Variants in THOC5 observed in about 807,000 individuals in gnomAD.
THOC5 encodes the protein Fms-interacting protein.
A neutral mutation model predicts 92.9 loss-of-function variants in THOC5; 43 were observed. That is an observed-to-expected ratio of 0.46 (90% confidence interval 0.36 to 0.60). The LOEUF is 0.60. Ranked by LOEUF, THOC5 falls within the 20% of genes least tolerant of loss-of-function variation. The pLI is 0.00. For synonymous variants in THOC5, 296 were observed against 320.1 expected (o/e 0.92, Z 0.80); for missense variants, 659 against 849.4 (o/e 0.78, Z 2.79).
chr22:29,550,380 T>C (rs1431110362), intron 1 of THOC5, among the ~76,000 whole-genome samples: 2 of 151,738 alleles, frequency 1.3e-5, no homozygotes, highest in African/African-American at 2.4e-5. Flanking sequence ...ACTCCCAGGT[T>C]GATCCTAGAA....
chr22:29,541,870 A>T (rs1569230742), intron 5 of THOC5, among the ~76,000 whole-genome samples: 16 of 63,274 alleles, frequency 2.5e-4, no homozygotes, highest in East Asian at 1.8e-3. Context: ...CCAAAAAAAA[A>T]AAAAAAAAAA....
At chr22:29,534,382 T>A (rs2063713114) in intron 7 of THOC5, among the ~76,000 whole-genome samples, 1 of 152,202 alleles carries the variant, frequency 6.6e-6, no homozygotes, top group African/African-American at 2.4e-5. Context: ...GCTTAGTGAA[T>A]ATTCATTGAG....
At chr22:29,528,209 A>G (rs369462134) in intron 10 of THOC5, 32 bp from the exon 11 acceptor site, 24 of 1,614,006 alleles carry the variant, frequency 1.5e-5, no homozygotes, top group Non-Finnish European at 2.0e-5. Flanking sequence ...GCTGATGAGC[A>G]TCAGTCATAG....
At chr22:29,527,521 A>G (rs1051164924) in intron 11 of THOC5, among the ~76,000 whole-genome samples, 7 of 152,250 alleles carry the variant, frequency 4.6e-5, no homozygotes, top group African/African-American at 1.7e-4. Flanking sequence ...ATAAATATAC[A>G]TTTGTATAAA....
In THOC5 at chr22:29,521,025, G is replaced by T. The variant is rs769647299; in HGVS notation, c.1250C>A (p.Ala417Asp). 6.2e-7 allele frequency: 1 copy of T among 1,614,080 alleles called. No individual in the cohort carries two copies. Among genetic ancestry groups the T allele is most frequent in the East Asian group, 2.2e-5 (1 of 44,886 alleles). ...GDHGKKTPNP[A>D]NQYQFDKVGI... Reference sequence around the variant, plus strand: ...AACTTTATCAAACTGATACTGATTGGCTGGATTCGGAGTTTTCTTTCCATG... The same window carrying T: ...AACTTTATCAAACTGATACTGATTGTCTGGATTCGGAGTTTTCTTTCCATG... The change falls in exon 13 of 20, where the codon GCC becomes GAC. Residue 417 changes from alanine (A) to aspartate (D), a missense_variant. Coordinates refer to ENST00000490103, the MANE Select transcript of THOC5 (RefSeq NM_003678.5).
intron 12 of THOC5, among the ~76,000 whole-genome samples, chr22:29,522,292 G>A (rs547249026): frequency 8.6e-5 from 13 of 151,906 alleles, no homozygotes; most frequent in East Asian, 5.8e-4. Flanking sequence ...CCCGGGAGAC[G>A]GAGCTGGCAA....
At chr22:29,538,175 G>T (rs1282411134) in intron 6 of THOC5, among the ~76,000 whole-genome samples, 1 of 151,984 alleles carries the variant, frequency 6.6e-6, no homozygotes, top group Non-Finnish European at 1.5e-5. Flanking sequence ...GTAGAGACGG[G>T]GTTTCACCAT....
At chr22:29,526,865 C>T (rs955219008) in intron 11 of THOC5, among the ~76,000 whole-genome samples, 3 of 152,126 alleles carry the variant, frequency 2.0e-5, no homozygotes, top group Non-Finnish European at 4.4e-5. Flanking sequence ...ACACTCACTG[C>T]CTAGAGCAGA....
intron 14 of THOC5, 91 bp from the exon 15 acceptor site, chr22:29,519,211 C>A: frequency 1.2e-6 from 1 of 812,732 alleles, no homozygotes; most frequent in Non-Finnish European, 2.0e-6. Context: ...GTCTGCGGCA[C>A]CCTGGATTAT....
At chr22:29,513,356 CAAAAA>C (rs375469055) in intron 17 of THOC5, among the ~76,000 whole-genome samples, 1 of 102,400 alleles carries the variant, frequency 9.8e-6, no homozygotes, top group Non-Finnish European at 2.0e-5. Context: ...GACTCCGTCT[CAAAAA>C]AAAAAAAAAA....
At chr22:29,543,146 C>T (rs1318520521) in intron 4 of THOC5, among the ~76,000 whole-genome samples, 190 bp from the exon 5 acceptor site, 1 of 151,638 alleles carries the variant, frequency 6.6e-6, no homozygotes, top group Non-Finnish European at 1.5e-5. Context: ...GAGTTCAAGA[C>T]AAGCCTGGCC....
At chr22:29,550,655 G>A (rs1487279706) in intron 1 of THOC5, 1 of 152,114 alleles carries the variant, frequency 6.6e-6, no homozygotes, top group Admixed American at 6.6e-5. Context: ...ATGGCTATGA[G>A]TCCCCGGACG....
chr22:29,519,416 C>T (rs1399470146), intron 14 of THOC5, among the ~76,000 whole-genome samples: 1 of 152,206 alleles, frequency 6.6e-6, no homozygotes, highest in Admixed American at 6.5e-5. Flanking sequence ...TTGGTACTTG[C>T]ACACAAGAAC....
At chr22:29,541,126 A>C (rs2063872826) in intron 5 of THOC5, among the ~76,000 whole-genome samples, 1 of 151,976 alleles carries the variant, frequency 6.6e-6, no homozygotes, top group South Asian at 2.1e-4. Flanking sequence ...CAGAGGTTGC[A>C]ATGAGCCAAG....
Position 29,519,088 on chromosome 22 carries a change from G to A in THOC5, c.1407C>T (p.Ala469=), listed in dbSNP as rs766327753. 62 of 1,611,430 alleles carry A rather than the reference G, an allele frequency of 3.8e-5. 1 individual carries two copies. Among genetic ancestry groups the A allele is most frequent in the Non-Finnish European group, 1.7e-6 (2 of 1,178,920 alleles). ...QTVIADHSLS[A]SHMETTMKLL... is the part of the protein sequence containing the mutation. ...GTTTCATGGTGGTCTCCATGTGGCT[G>A]GCGCTCAGCGAGTGGTCAGCAATCA... Residue 469 remains alanine (A), a synonymous_variant, in exon 15 of 20, where the codon GCC becomes GCT. Transcript: ENST00000490103.
intron 17 of THOC5, among the ~76,000 whole-genome samples, chr22:29,515,346 A>AT (rs2063314391): frequency 6.6e-6 from 1 of 152,150 alleles, no homozygotes; most frequent in African/African-American, 2.4e-5. Flanking sequence ...CCGGCTGTAT[A>AT]TTGTTTTTTA....
At chr22:29,510,222 C>G (rs949411526) in intron 19 of THOC5, among the ~76,000 whole-genome samples, 3 of 152,202 alleles carry the variant, frequency 2.0e-5, no homozygotes, top group Admixed American at 6.5e-5. Flanking sequence ...TTTTCCGAGT[C>G]CCAGTCCTGT....
intron 5 of THOC5, among the ~76,000 whole-genome samples, chr22:29,541,797 C>G (rs2063890347): frequency 7.7e-6 from 1 of 130,626 alleles, no homozygotes. Flanking sequence ...GGAGGCGGAG[C>G]TTGCAGTGAG....
intron 12 of THOC5, among the ~76,000 whole-genome samples, chr22:29,523,628 T>A (rs1555959548): frequency 6.6e-6 from 1 of 152,060 alleles, no homozygotes; most frequent in Non-Finnish European, 1.5e-5. Flanking sequence ...ACAAAGACGG[T>A]GGAAAGCCCA....
Sources: allele counts gnomAD v4.1 joint callset (sites outside exome capture counted in the v4.1 genomes callset), GRCh38; gene constraint gnomAD v4.1.1; transcripts MANE v1.5; gene names NCBI Gene and HGNC (gene_info 2026-07-23, HGNC 2026-07-21).